Variants in WDR7 observed in about 807,000 individuals in gnomAD.
The protein encoded by WDR7 is WD repeat domain 7.
WDR7 carries 46 observed loss-of-function variants against 169.4 expected under a neutral mutation model. That is an observed-to-expected ratio of 0.27 (90% CI 0.21 to 0.35). The LOEUF is 0.35. WDR7 is among the 10% of genes least tolerant of loss of function. The pLI, the probability that WDR7 is intolerant of heterozygous loss-of-function variation, is 1.00. For missense variants in WDR7, 1,534 were observed against 1,859.3 expected (o/e 0.83, Z 3.22); for synonymous variants, 612 against 666.8 (o/e 0.92, Z 1.27).
At chr18:56,783,631 C>T (rs1163777517) in intron 19 of WDR7, among the ~76,000 whole-genome samples, 7 of 152,126 alleles carry the variant, frequency 4.6e-5, no homozygotes, top group Non-Finnish European at 7.4e-5. Context: ...AGTAGAATAA[C>T]TAGCTGGCAG....
chr18:56,655,409 G>C (rs1314748989), intron 1 of WDR7, among the ~76,000 whole-genome samples: 2 of 152,044 alleles, frequency 1.3e-5, no homozygotes, highest in African/African-American at 4.8e-5. Context: ...CAGATTGCTT[G>C]AGCCCAGGAG....
At chr18:56,886,417 C>T (rs1304074424) in intron 21 of WDR7, among the ~76,000 whole-genome samples, 1 of 152,136 alleles carries the variant, frequency 6.6e-6, no homozygotes, top group African/African-American at 2.4e-5. Context: ...AAGTCTTTTT[C>T]AGACAAACAA....
chr18:56,660,522 A>G (rs1712738511), intron 1 of WDR7, among the ~76,000 whole-genome samples: 1 of 152,152 alleles, frequency 6.6e-6, no homozygotes, highest in Admixed American at 6.5e-5. Flanking sequence ...TTCTGATCCC[A>G]AGTGTTTCAG....
chr18:56,874,800 G>A (rs959034771), intron 20 of WDR7, among the ~76,000 whole-genome samples: 14 of 151,360 alleles, frequency 9.2e-5, no homozygotes, highest in African/African-American at 1.5e-4. Flanking sequence ...TGTGATGTGC[G>A]GAAGCTAAGA....
intron 26 of WDR7, among the ~76,000 whole-genome samples, chr18:56,999,708 T>G (rs915748990): frequency 1.3e-5 from 2 of 152,052 alleles, no homozygotes; most frequent in South Asian, 4.2e-4. Flanking sequence ...TAATGCAAAT[T>G]TAATGCTCTT....
intron 7 of WDR7, among the ~76,000 whole-genome samples, chr18:56,688,100 G>A (rs943209777): frequency 6.6e-6 from 1 of 152,204 alleles, no homozygotes; most frequent in Admixed American, 6.5e-5. Context: ...AGGCAGTAAA[G>A]GGATGAATAA....
At chr18:56,739,389 A>G (rs1168204158) in intron 14 of WDR7, among the ~76,000 whole-genome samples, 5 of 152,150 alleles carry the variant, frequency 3.3e-5, no homozygotes, top group African/African-American at 1.2e-4. Flanking sequence ...GAGCCTTAGA[A>G]CACTACAACT....
intron 9 of WDR7, among the ~76,000 whole-genome samples, chr18:56,692,271 A>T (rs2025588033): frequency 6.6e-6 from 1 of 152,162 alleles, no homozygotes; most frequent in Non-Finnish European, 1.5e-5. Context: ...GAAACTAGAA[A>T]TAAAGAATAA....
At chr18:56,707,257 A>G (rs1274911951) in intron 12 of WDR7, among the ~76,000 whole-genome samples, 1 of 152,216 alleles carries the variant, frequency 6.6e-6, no homozygotes, top group Non-Finnish European at 1.5e-5. Flanking sequence ...TGTTGGGATT[A>G]CAGGCATGAG....
At position 56,787,193 on chromosome 18, in the gene WDR7, A is replaced by T. The variant is rs544208738; in HGVS notation, c.3190+5537A>T. On this transcript the variant is annotated intron_variant, in intron 19 of 27. Coordinates refer to ENST00000254442, the MANE Select transcript of WDR7 (RefSeq NM_015285.3). ...TATGCCCACACTTGCCCTTCATTTCAGTTGGTGATGACTCTGAGGCAAATG... is the reference window on the plus strand; with the variant it reads ...TATGCCCACACTTGCCCTTCATTTCTGTTGGTGATGACTCTGAGGCAAATG... 6.6e-5 allele frequency among the ~76,000 whole-genome samples: 10 copies of T among 152,162 alleles called. 2 individuals carry two copies. The South Asian group carries it at 1.7e-3, about 25-fold the overall frequency.
At chr18:56,854,630 G>C (rs1025006106) in intron 20 of WDR7, among the ~76,000 whole-genome samples, 1 of 152,084 alleles carries the variant, frequency 6.6e-6, no homozygotes, top group Admixed American at 6.6e-5. Context: ...AACCCAGTAA[G>C]CCTTATCTGT....
chr18:57,034,975 G>A, the WDR7 span: 1 of 152,110 alleles, frequency 6.6e-6, no homozygotes, highest in Non-Finnish European at 1.5e-5. Context: ...AGGTGAACGG[G>A]GTTCTCTGGG....
intron 26 of WDR7, among the ~76,000 whole-genome samples, chr18:57,004,832 T>A (rs2048033159): frequency 6.6e-6 from 1 of 152,186 alleles, no homozygotes; most frequent in Non-Finnish European, 1.5e-5. Flanking sequence ...GACATTGAGT[T>A]CTGAGTTTTT....
Position 56,891,069 on chromosome 18 carries a change from C to G in WDR7, c.3526+10904C>G, listed in dbSNP as rs141022361. On this transcript the variant is annotated intron_variant, in intron 21 of 27. Transcript: ENST00000254442. ...GATGTGTAGCCAGAGTAGAGAGACC[C>G]AGTAGAATCTAGAATCTTTTACAGT... 34 of 152,190 alleles carry G rather than the reference C, an allele frequency of 2.2e-4. 1 individual carries two copies. The highest frequency in any genetic ancestry group is 7.9e-4 in the African/African-American group (33 of 41,514). 9.4% of individuals were successfully genotyped at this position (152,190 alleles called of 1,614,324 possible).
At chr18:56,931,703 A>T (rs749443649) in intron 22 of WDR7, among the ~76,000 whole-genome samples, 1 of 152,194 alleles carries the variant, frequency 6.6e-6, no homozygotes, top group Non-Finnish European at 1.5e-5. Flanking sequence ...TTTTTGTTTC[A>T]CTAGAAGTCA....
At chr18:56,982,529 T>G (rs1364482932) in intron 26 of WDR7, among the ~76,000 whole-genome samples, 2 of 152,176 alleles carry the variant, frequency 1.3e-5, no homozygotes, top group Admixed American at 6.5e-5. Context: ...TTCACATGGT[T>G]TAGGCATCTC....
intron 19 of WDR7, among the ~76,000 whole-genome samples, chr18:56,792,994 T>G (rs2044518535): frequency 6.6e-6 from 1 of 152,194 alleles, no homozygotes; most frequent in Admixed American, 6.5e-5. Context: ...CTGCGCTCTT[T>G]GTAGAGCTTC....
At chr18:56,988,430 T>C (rs2145849681) in intron 26 of WDR7, among the ~76,000 whole-genome samples, 1 of 152,336 alleles carries the variant, frequency 6.6e-6, no homozygotes, top group South Asian at 2.1e-4. Context: ...TATAAAATTG[T>C]TAGTTCAGGT....
intron 20 of WDR7, among the ~76,000 whole-genome samples, chr18:56,839,527 T>G (rs2045448261): frequency 6.6e-6 from 1 of 152,206 alleles, no homozygotes; most frequent in Non-Finnish European, 1.5e-5. Context: ...TAATATTATC[T>G]AACATTAGGT....
Sources: gnomAD v4.1 joint callset for allele counts (sites outside exome capture counted in the v4.1 genomes callset) on GRCh38, gnomAD v4.1.1 for gene constraint, MANE v1.5 for transcripts, NCBI Gene and HGNC (gene_info 2026-07-23, HGNC 2026-07-21) for gene names.